MUC5B: variants seen among roughly 807,000 people sequenced by gnomAD.
MUC5B encodes mucin 5B, oligomeric mucus/gel-forming.
A neutral mutation model predicts 376.9 loss-of-function variants in MUC5B; 116 were observed. The ratio of observed to expected loss-of-function variants is 0.31; its 90% CI spans 0.26 to 0.36. The LOEUF is 0.36. Among genes scored for constraint, MUC5B ranks in the 10% least tolerant of loss-of-function variants. The pLI is 1.00. For synonymous variants in MUC5B, 3,517 were observed against 3,390.9 expected (o/e 1.04, Z -1.29); for missense variants, 7,165 against 7,769.9 (o/e 0.92, Z 2.93).
At chr11:1,256,036 T>G in intron 37 of MUC5B, 120 bp from the exon 38 acceptor site, 1 of 557,782 alleles carries the variant, frequency 1.8e-6, no homozygotes, top group Admixed American at 3.1e-5. Flanking sequence ...GTGCGGTGAG[T>G]GGGGGCGGCC....
Position 1,239,857 on chromosome 11 carries a change from C to T in MUC5B, c.3642C>T (p.Cys1214=), listed in dbSNP as rs772391603. ...QPFFNEDQMK[C]VAQCGCYDKD... ...TCTTCAATGAGGACCAGATGAAGTG[C>T]GTGGCCCAGTGTGGCTGCTACGACA... Residue 1214 remains cysteine (C), a synonymous_variant, in exon 28 of 49, where the codon TGC becomes TGT. Transcript: ENST00000529681. 9 of 1,612,962 alleles carry T rather than the reference C, an allele frequency of 5.6e-6. No individual in the cohort carries two copies. Among genetic ancestry groups the T allele is most frequent in the Middle Eastern group, 1.6e-4 (1 of 6,080 alleles).
intron 6 of MUC5B, 117 bp downstream of exon 6, chr11:1,227,515 C>A: frequency 1.3e-6 from 1 of 775,650 alleles, no homozygotes; most frequent in Non-Finnish European, 2.2e-6. Context: ...AGGGAGGGGC[C>A]ACGAGGACTG....
chr11:1,249,603 C>G lies in MUC5B; in HGVS notation c.12723C>G (p.Ser4241=), dbSNP rs745689447. 53 of 1,611,796 alleles carry G rather than the reference C, an allele frequency of 3.3e-5. 1 individual carries two copies. The highest frequency in any genetic ancestry group is 3.3e-4 in the Middle Eastern group (2 of 6,072). The change falls in exon 31 of 49, where the codon TCC becomes TCG. Residue 4241 remains serine (S), a synonymous_variant. Coordinates refer to ENST00000529681, the MANE Select transcript of MUC5B (RefSeq NM_002458.3). ...TPATSSTAMP[S]STPGTTWILT... is the part of the protein sequence containing the mutation. ...CCACCAGCTCTACGGCCATGCCCTC[C>G]TCCACTCCGGGGACGACCTGGATCC...
chr11:1,226,988 C>G, intron 4 of MUC5B, 43 bp from the exon 5 acceptor site: 4 of 1,581,016 alleles, frequency 2.5e-6, no homozygotes, highest in Non-Finnish European at 2.6e-6. Flanking sequence ...GGGCAGGCAG[C>G]CAGGAGAGCG....
Position 1,251,518 on chromosome 11 carries a change from G to T in MUC5B, c.14638G>T (p.Val4880Leu). 6.3e-7 allele frequency: 1 copy of T among 1,586,368 alleles called. No homozygotes were observed. Among genetic ancestry groups the T allele is most frequent in the South Asian group, 1.1e-5 (1 of 90,236 alleles). Residue 4880 changes from valine to leucine, a missense_variant, in exon 31 of 49, where the codon GTG becomes TTG. Val to Leu is a conservative substitution (Grantham distance 32). This residue lies in a region of MUC5B where 730 missense variants were observed against 592.7 expected (regional missense o/e 1.23). Coordinates refer to ENST00000529681, the MANE Select transcript of MUC5B (RefSeq NM_002458.3). ...TLGTAHTPKV[V>L]TTMATMPTAT... ...GGGAACAGCTCACACCCCCAAAGTG[G>T]TGACCACCATGGCCACTATGCCCAC...
In MUC5B at chr11:1,254,683, G is replaced by A. The variant is rs375852999; in HGVS notation, c.15478-11G>A. 29 of 1,609,248 alleles carry A rather than the reference G, an allele frequency of 1.8e-5. No homozygotes were observed. The highest frequency in any genetic ancestry group is 2.5e-5 in the Non-Finnish European group (29 of 1,177,264). On this transcript the variant is annotated splice_polypyrimidine_tract_variant and intron_variant, in intron 34 of 48. Coordinates refer to ENST00000529681, the MANE Select transcript of MUC5B (RefSeq NM_002458.3). ...TGCCTCCCAGCTCAGGGTTCCCCTG[G>A]ATTCCCCCAGATCCTGTTTGACCAA...
Position 1,243,103 on chromosome 11 carries a change from G to A in MUC5B, c.6223G>A (p.Val2075Met), listed in dbSNP as rs751803701. Residue 2075 changes from valine to methionine, a missense_variant, in exon 31 of 49, where the codon GTG becomes ATG. Physicochemically the swap from Val to Met is conservative, Grantham distance 21 (BLOSUM62 1). Transcript: ENST00000529681. Reference protein sequence around the residue: ...SSPGTALTPPVWISTTTTPTT... With the variant: ...SSPGTALTPPMWISTTTTPTT... ...CCCAGGGACGGCACTCACGCCTCCA[G>A]TGTGGATCAGCACAACCACCACACC... 1.1e-4 allele frequency: 178 copies of A among 1,610,356 alleles called. No individual in the cohort carries two copies. The highest frequency in any genetic ancestry group is 1.5e-4 in the Non-Finnish European group (174 of 1,178,310).
rs2943509 is a variant in MUC5B, at chr11:1,242,747, C to T, written c.5867C>T (p.Ser1956Phe). ...PTVTSSKATP[S>F]SSPGTATALP... The stretch of plus-strand genomic sequence containing the variant: ...GTCACCAGCTCCAAAGCCACTCCCT[C>T]CTCCAGTCCAGGGACTGCAACCGCC... The change falls in exon 31 of 49, where the codon TCC becomes TTC. Residue 1956 changes from serine to phenylalanine, a missense_variant. By Grantham distance (155) the Ser-to-Phe change is radical. Coordinates refer to ENST00000529681, the MANE Select transcript of MUC5B (RefSeq NM_002458.3). The T allele has an allele frequency of 5.4e-5, 87 of 1,613,488 alleles. No homozygotes were observed. Among genetic ancestry groups the T allele is most frequent in the Middle Eastern group, 1.7e-4 (1 of 6,060 alleles).
At chr11:1,233,685 G>A in intron 18 of MUC5B, 108 bp from the exon 19 acceptor site, 2 of 1,080,412 alleles carry the variant, frequency 1.9e-6, no homozygotes, top group Non-Finnish European at 2.8e-6. Flanking sequence ...CTTACAAGGA[G>A]GTGGCCAGGC....
chr11:1,251,524 A>C lies in MUC5B; in HGVS notation c.14644A>C (p.Thr4882Pro), dbSNP rs3021156. The change falls in exon 31 of 49, where the codon ACC becomes CCC. Residue 4882 changes from threonine to proline, a missense_variant. By Grantham distance (38) the Thr-to-Pro change is conservative. Coordinates refer to ENST00000529681, the MANE Select transcript of MUC5B (RefSeq NM_002458.3). ...AGCTCACACCCCCAAAGTGGTGACC[A>C]CCATGGCCACTATGCCCACAGCCAC... The part of the protein sequence containing the change: ...GTAHTPKVVT[T>P]MATMPTATAS... The C allele has an allele frequency of 6.2e-7, 1 of 1,612,826 alleles. No individual in the cohort carries two copies. Among genetic ancestry groups the C allele is most frequent in the Admixed American group, 1.7e-5 (1 of 59,984 alleles).
chr11:1,252,717 C>T, intron 32 of MUC5B, 92 bp from the exon 33 acceptor site: 1 of 1,479,766 alleles, frequency 6.8e-7, no homozygotes, highest in East Asian at 2.5e-5. Flanking sequence ...CTCTTGTGGC[C>T]ACCCGGGGCT....
intron 1 of MUC5B, among the ~76,000 whole-genome samples, chr11:1,224,678 G>A (rs1044549296): frequency 2.0e-5 from 3 of 152,088 alleles, no homozygotes; most frequent in South Asian, 2.1e-4. Flanking sequence ...GCTGTGGGTC[G>A]GGGTGGAGGA....
In MUC5B at chr11:1,243,789, G is replaced by A. The variant is rs375457073; in HGVS notation, c.6909G>A (p.Ser2303=). ...TSTLLPSSPT[S]APITTVVTMG... ...CCCTGCTGCCCAGCAGCCCCACATC[G>A]GCCCCCATAACCACGGTGGTGACCA... The change falls in exon 31 of 49, where the codon TCG becomes TCA. Residue 2303 remains serine, a synonymous_variant. Transcript: ENST00000529681. The A allele has an allele frequency of 1.2e-4, 199 of 1,611,574 alleles. No individual in the cohort carries two copies. Among genetic ancestry groups the A allele is most frequent in the Admixed American group, 1.7e-4 (10 of 60,004 alleles).
In MUC5B at chr11:1,246,239, G is replaced by T; in HGVS notation, c.9359G>T (p.Ser3120Ile). 9 of 1,611,840 alleles carry T rather than the reference G, an allele frequency of 5.6e-6. No individual in the cohort carries two copies. The highest frequency in any genetic ancestry group is 7.6e-6 in the Non-Finnish European group (9 of 1,179,256). ...AAGGCCACCACGACAAGGGCCACCA[G>T]TTCCATGTCCACCCCCTCCTCCACT... ...TTKATTTRAT[S>I]SMSTPSSTPG... is the part of the protein sequence containing the mutation. Residue 3120 changes from serine (S) to isoleucine (I), a missense_variant, in exon 31 of 49, where the codon AGT becomes ATT. Around this residue, in one of 31 missense-constraint regions of MUC5B, gnomAD observed 939 missense variants for 770.6 expected, o/e 1.22. Transcript: ENST00000529681.
chr11:1,239,328 CG>C, intron 26 of MUC5B, 109 bp from the exon 27 acceptor site: 4 of 1,411,508 alleles, frequency 2.8e-6, no homozygotes, highest in Non-Finnish European at 3.8e-6. Context: ...GGGACAAGCC[CG>C]GGTCTGGCTC....
At position 1,246,338 on chromosome 11, in the gene MUC5B, C is replaced by A. The variant is rs201672984; in HGVS notation, c.9458C>A (p.Thr3153Asn). 7.2e-5 allele frequency: 115 copies of A among 1,602,458 alleles called. No homozygotes were observed. Among genetic ancestry groups the A allele is most frequent in the Non-Finnish European group, 9.0e-5 (106 of 1,172,516 alleles). ...ACTGCAGCCACTGGCCCCACGGCCA[C>A]CCCGTCCTCCACCCCAGGGACCACC... ...TTTAATGPTA[T>N]PSSTPGTTWI... is the part of the protein sequence containing the mutation. The change falls in exon 31 of 49, where the codon ACC becomes AAC. Residue 3153 changes from threonine (T) to asparagine (N), a missense_variant. Physicochemically the swap from Thr to Asn is moderately conservative, Grantham distance 65 (BLOSUM62 0). Coordinates refer to ENST00000529681, the MANE Select transcript of MUC5B (RefSeq NM_002458.3).
Position 1,245,839 on chromosome 11 carries a change from C to G in MUC5B, c.8959C>G (p.Pro2987Ala). ...CTCTACGGCCACGCCCTCCTCCACTCCAGGGACGACCTGGATCCTCACAGA... is the reference window on the plus strand; with the variant it reads ...CTCTACGGCCACGCCCTCCTCCACTGCAGGGACGACCTGGATCCTCACAGA... ...TSSTATPSST[P>A]GTTWILTEQT... Residue 2987 changes from proline (P) to alanine (A), a missense_variant, in exon 31 of 49, where the codon CCA (proline) becomes GCA (alanine). Physicochemically the swap from Pro to Ala is conservative, Grantham distance 27. Around this residue, in one of 31 missense-constraint regions of MUC5B, gnomAD observed 939 missense variants for 770.6 expected, o/e 1.22. Coordinates refer to ENST00000529681, the MANE Select transcript of MUC5B (RefSeq NM_002458.3). The G allele has an allele frequency of 6.2e-7, 1 of 1,613,596 alleles. No homozygotes were observed. Among genetic ancestry groups the G allele is most frequent in the Non-Finnish European group, 8.5e-7 (1 of 1,179,836 alleles).
At chr11:1,228,171 C>A (rs796567143) in intron 7 of MUC5B, among the ~76,000 whole-genome samples, 18 of 152,294 alleles carry the variant, frequency 1.2e-4, no homozygotes, top group African/African-American at 4.1e-4. Context: ...CATGAGCCCC[C>A]CTGTGAGCTG....
intron 44 of MUC5B, 33 bp downstream of exon 44, chr11:1,259,094 CCCCGAGGCACCTGCCCCCAAGTGAGA>C (rs1217008631): frequency 4.2e-5 from 64 of 1,533,884 alleles, no homozygotes; most frequent in South Asian, 1.8e-4. Flanking sequence ...CCAGGTGAGC[CCCCGAGGCACCTGCCCCCAAGTGAGA>C]CCCGAGGCAC....
Sources: allele counts gnomAD v4.1 joint callset (sites outside exome capture counted in the v4.1 genomes callset), GRCh38; gene constraint gnomAD v4.1.1; regional missense constraint gnomAD v4.1.1; transcripts MANE v1.5; gene names NCBI Gene and HGNC (gene_info 2026-07-23, HGNC 2026-07-21).